Variants in UMAD1 observed in about 807,000 individuals in gnomAD.
The protein encoded by UMAD1 is UBAP1-MVB12-associated (UMA)-domain containing protein 1.
UMAD1 carries 8 observed loss-of-function variants against 6.1 expected under a neutral mutation model. The ratio of observed to expected loss-of-function variants is 1.30; its 90% CI spans 0.76 to 2.35. UMAD1 has a LOEUF of 2.35. Ranked by LOEUF, UMAD1 falls within the 30% of genes most tolerant of loss-of-function variation. The pLI is 0.00. For synonymous variants in UMAD1, 56 were observed against 31.4 expected (o/e 1.78, Z -2.61); for missense variants, 130 against 78.4 (o/e 1.66, Z -2.49).
chr7:7,654,274 G>A (rs754916189), intron 1 of UMAD1, among the ~76,000 whole-genome samples: 3 of 152,122 alleles, frequency 2.0e-5, no homozygotes, highest in Non-Finnish European at 2.9e-5. Context: ...ATTGTTTGAC[G>A]TCTGTTTTAC....
chr7:7,740,322 C>T (rs77529842), intron 2 of UMAD1, among the ~76,000 whole-genome samples: 3,265 of 152,186 alleles, frequency 0.021, 114 homozygotes, highest in African/African-American at 0.074. Flanking sequence ...CTATCCTTTG[C>T]GATAACCTTA....
chr7:7,751,420 G>C (rs1266183684), intron 2 of UMAD1, among the ~76,000 whole-genome samples: 1 of 152,192 alleles, frequency 6.6e-6, no homozygotes, highest in African/African-American at 2.4e-5. Context: ...TGATAAGTTA[G>C]AGATTTTTGG....
chr7:7,788,631 T>A (rs1010015776), intron 2 of UMAD1, among the ~76,000 whole-genome samples: 2 of 151,458 alleles, frequency 1.3e-5, no homozygotes, highest in African/African-American at 4.9e-5. Flanking sequence ...CTGGTGACTC[T>A]CCTTTTCCTT....
chr7:7,687,573 G>C (rs1213324617), intron 2 of UMAD1, among the ~76,000 whole-genome samples: 1 of 152,152 alleles, frequency 6.6e-6, no homozygotes, highest in Non-Finnish European at 1.5e-5. Context: ...CCACCAGAAA[G>C]TCTATTCACA....
intron 2 of UMAD1, among the ~76,000 whole-genome samples, chr7:7,757,158 A>G (rs1227833376): frequency 3.9e-5 from 6 of 152,226 alleles, no homozygotes; most frequent in Non-Finnish European, 8.8e-5. Context: ...ATAAGCAACT[A>G]TCAATTATAT....
intron 3 of UMAD1, among the ~76,000 whole-genome samples, chr7:7,838,271 A>T (rs766254375): frequency 2.6e-5 from 4 of 152,166 alleles, no homozygotes; most frequent in Non-Finnish European, 5.9e-5. Flanking sequence ...GGCTAAACAG[A>T]TTGAGTCCAC....
At chr7:7,704,008 A>G (rs1312292586) in intron 2 of UMAD1, among the ~76,000 whole-genome samples, 5 of 152,074 alleles carry the variant, frequency 3.3e-5, no homozygotes, top group African/African-American at 4.8e-5. Flanking sequence ...GAAAAGAAAC[A>G]TAGACATACC....
At chr7:7,805,182 C>CT (rs920418574) in intron 3 of UMAD1, among the ~76,000 whole-genome samples, 1 of 152,134 alleles carries the variant, frequency 6.6e-6, no homozygotes, top group Admixed American at 6.5e-5. Flanking sequence ...CTGTACCCAA[C>CT]TGCCTATGTA....
At chr7:7,773,273 G>T (rs1167979547) in intron 2 of UMAD1, among the ~76,000 whole-genome samples, 2 of 152,160 alleles carry the variant, frequency 1.3e-5, no homozygotes, top group African/African-American at 2.4e-5. Flanking sequence ...AACATTAGGG[G>T]ATCTTTAAAA....
chr7:7,818,639 T>G (rs902776730), intron 3 of UMAD1, among the ~76,000 whole-genome samples: 7 of 152,136 alleles, frequency 4.6e-5, no homozygotes, highest in African/African-American at 1.4e-4. Flanking sequence ...GAAATACCAT[T>G]TGACCCAGCA....
At chr7:7,740,605 G>A (rs900560856) in intron 2 of UMAD1, 8 of 152,042 alleles carry the variant, frequency 5.3e-5, no homozygotes, top group Non-Finnish European at 8.8e-5. Flanking sequence ...CATACTGTTC[G>A]TAACACTATA....
At chr7:7,752,023 A>G (rs547535039) in intron 2 of UMAD1, among the ~76,000 whole-genome samples, 2 of 152,342 alleles carry the variant, frequency 1.3e-5, no homozygotes, top group Admixed American at 6.5e-5. Context: ...GAAACATTTC[A>G]ATAAGACAAG....
intron 2 of UMAD1, among the ~76,000 whole-genome samples, chr7:7,800,778 A>G (rs1024917343): frequency 2.0e-5 from 3 of 152,246 alleles, no homozygotes; most frequent in Non-Finnish European, 4.4e-5. Context: ...GTCAAGACTC[A>G]TGACTTTTCC....
intron 2 of UMAD1, among the ~76,000 whole-genome samples, chr7:7,761,534 A>G (rs889119918): frequency 6.6e-6 from 1 of 152,158 alleles, no homozygotes; most frequent in East Asian, 1.9e-4. Flanking sequence ...GCAGTACACA[A>G]ATTTTGTGGG....
At chr7:7,747,020 G>A (rs1434800617) in intron 2 of UMAD1, among the ~76,000 whole-genome samples, 4 of 151,790 alleles carry the variant, frequency 2.6e-5, no homozygotes, top group Admixed American at 2.6e-4. Context: ...GTTATTGGAA[G>A]TTATTGCCAT....
intron 2 of UMAD1, among the ~76,000 whole-genome samples, chr7:7,700,350 G>T (rs965274073): frequency 6.6e-6 from 1 of 152,122 alleles, no homozygotes; most frequent in Admixed American, 6.5e-5. Context: ...TCACTATGAG[G>T]GGTAGGATTT....
intron 3 of UMAD1, among the ~76,000 whole-genome samples, chr7:7,810,527 T>C (rs187832686): frequency 3.3e-5 from 5 of 152,244 alleles, no homozygotes; most frequent in Admixed American, 2.6e-4. Flanking sequence ...AAATGCAATA[T>C]ACAAAATTGT....
In UMAD1 at chr7:7,830,140, G is replaced by A. The variant is rs1036806607; in HGVS notation, c.156+28397G>A. Among the ~76,000 whole-genome samples, 1 of 152,098 alleles carries A rather than the reference G, an allele frequency of 6.6e-6. No individual in the cohort carries two copies. Among genetic ancestry groups the A allele is most frequent in the Non-Finnish European group, 1.5e-5 (1 of 68,032 alleles). On this transcript the variant is annotated intron_variant, in intron 3 of 3. Transcript: ENST00000682710. This position sits in a 1 kb window ranked among gnomAD's most constrained non-coding sequence, Gnocchi z 5.3. ...ATCTACTATGTTATTTGTTCCTTAA[G>A]AGGCATTTGCCAGTGGACCTGCAGG...
chr7:7,726,743 A>T (rs937149950), intron 2 of UMAD1, among the ~76,000 whole-genome samples: 4 of 152,184 alleles, frequency 2.6e-5, no homozygotes, highest in Non-Finnish European at 5.9e-5. Context: ...CAGGAGACAC[A>T]ACAACGATTC....
Sources: gnomAD v4.1 joint callset for allele counts (sites outside exome capture counted in the v4.1 genomes callset) on GRCh38, gnomAD v4.1.1 for gene constraint, Gnocchi (gnomAD v3.1) non-coding constraint, MANE v1.5 for transcripts, NCBI Gene and HGNC (gene_info 2026-07-23, HGNC 2026-07-21) for gene names.